The following TLCD3B variants were observed in gnomAD, a reference collection of about 807,000 sequenced individuals.
The protein encoded by TLCD3B is TLC domain containing 3B.
TLCD3B carries 9 observed loss-of-function variants against 23.0 expected under a neutral mutation model. The observed-to-expected ratio is 0.39, with a 90% confidence interval of 0.24 to 0.68. TLCD3B has a LOEUF of 0.68. TLCD3B is among the 30% of genes least tolerant of loss of function. The pLI is 0.44. For missense variants in TLCD3B, 307 were observed against 371.8 expected, an observed-to-expected ratio of 0.83 and a Z score of 1.43; for synonymous variants, 161 against 161.0, an observed-to-expected ratio of 1.00 and a Z score of 0.00.
intron 3 of TLCD3B, among the ~76,000 whole-genome samples, chr16:30,037,557 A>AG (rs1555475111): frequency 2.0e-4 from 30 of 151,284 alleles, no homozygotes; most frequent in African/African-American, 6.1e-4. Context: ...AAAAAAAAAA[A>AG]AAGAAGAAGA....
At position 30,030,439 on chromosome 16, in the gene TLCD3B, C is replaced by T. The variant is rs1472177946; in HGVS notation, c.89G>A (p.Arg30His). ...KNTLQRLPQL[R>H]WEEADAVIVS... ...AATGACTGCGTCGGCCTCCTCCCAG[C>T]GTAGCTGGGGCAGCCGCTGGAGCGT... Residue 30 changes from arginine to histidine, a missense_variant, in exon 1 of 5, where the codon CGC (arginine) becomes CAC (histidine). Coordinates refer to ENST00000380495, the MANE Select transcript of TLCD3B (RefSeq NM_031478.6). 1.9e-6 allele frequency: 3 copies of T among 1,603,124 alleles called. No individual in the cohort carries two copies. In the South Asian group the frequency reaches 3.3e-5, roughly 18 times the overall value.
In TLCD3B at chr16:30,024,965, C is replaced by T. The variant is rs867066683; in HGVS notation, c.*218G>A. The T allele has an allele frequency of 2.7e-5, 13 of 489,152 alleles. No individual in the cohort carries two copies. Among genetic ancestry groups the T allele is most frequent in the African/African-American group, 1.2e-4 (6 of 49,066 alleles). The allele number at this position is 489,152 out of a possible 1,614,324, so 30.3% of individuals were successfully genotyped here. On this transcript the variant is annotated 3_prime_UTR_variant, in exon 5 of 5. Coordinates refer to ENST00000380495, the MANE Select transcript of TLCD3B (RefSeq NM_031478.6). ...GGCGGTGCCCCCTCCCCTCCTCCAG[C>T]GCAAGGGTGTGCAGGAAGGGGGCAG... is the stretch of plus-strand genomic sequence containing the variant.
In TLCD3B at chr16:30,038,736, C is replaced by T. The variant is rs187583776; in HGVS notation, c.-67+2259G>A. Among the ~76,000 whole-genome samples, 574 of 150,308 alleles carry T rather than the reference C, an allele frequency of 3.8e-3. 5 individuals carry two copies. The highest frequency in any genetic ancestry group is 6.6e-3 in the Non-Finnish European group (450 of 67,704). Reference sequence around the variant, plus strand: ...TCACGCCACTGCACTTCAGCCTGGGCGACAGAGCGAGACTCTGTCTCAAAA... The same window carrying T: ...TCACGCCACTGCACTTCAGCCTGGGTGACAGAGCGAGACTCTGTCTCAAAA... On this transcript the variant is annotated intron_variant, in intron 3 of 6. Transcript: ENST00000561666.
At chr16:30,044,515 T>A (rs746025836) in intron 2 of TLCD3B, among the ~76,000 whole-genome samples, 10 of 152,042 alleles carry the variant, frequency 6.6e-5, no homozygotes, top group Non-Finnish European at 1.3e-4. Flanking sequence ...TTTCAACCTG[T>A]TGCCCAGGCT....
At position 30,030,802 on chromosome 16, in the gene TLCD3B, AG is replaced by A; in HGVS notation, c.-276del. The A allele has an allele frequency of 9.6e-7, 1 of 1,045,394 alleles. No individual in the cohort carries two copies. Among genetic ancestry groups the A allele is most frequent in the Non-Finnish European group, 1.1e-6 (1 of 879,898 alleles). 64.8% of individuals were successfully genotyped at this position (1,045,394 alleles called of 1,614,324 possible). ...CAGCGAGGGATGGGGAGAGGCAAAG[AG>A]GGGATGGCTTGGTGAGGGACAGAGA... is the stretch of plus-strand genomic sequence containing the variant. On this transcript the variant is annotated 5_prime_UTR_variant, in exon 1 of 5. Coordinates refer to ENST00000380495, the MANE Select transcript of TLCD3B (RefSeq NM_031478.6).
At position 30,025,180 on chromosome 16, in the gene TLCD3B, G is replaced by A; in HGVS notation, c.*3C>T. 4.8e-6 allele frequency: 7 copies of A among 1,446,022 alleles called. No homozygotes were observed. Among genetic ancestry groups the A allele is most frequent in the Non-Finnish European group, 6.3e-6 (7 of 1,102,814 alleles). 89.6% of individuals were successfully genotyped at this position (1,446,022 alleles called of 1,614,324 possible). A position where few individuals can be genotyped will look rare whatever the true frequency, so the allele number is the denominator to read the frequency against. On this transcript the variant is annotated 3_prime_UTR_variant, in exon 5 of 5. Transcript: ENST00000380495. The surrounding 1 kb of genome is among the most constrained non-coding windows in gnomAD (Gnocchi z 4.1). ...GGGAGGGGGAGGGTCCCGGCCCCCG[G>A]CCTCAGTCCTGGGCCTGGCAGGCCG...
At chr16:30,052,467 C>T (rs979548225) in intron 1 of TLCD3B, among the ~76,000 whole-genome samples, 1 of 151,374 alleles carries the variant, frequency 6.6e-6, no homozygotes, top group African/African-American at 2.4e-5. Flanking sequence ...GAAGCTGAGG[C>T]GGGCGCATCA....
At chr16:30,034,090 T>C (rs2150987285), upstream of TLCD3B, among the ~76,000 whole-genome samples, 1 of 150,596 alleles carries the variant, frequency 6.6e-6, no homozygotes, top group African/African-American at 2.4e-5. Flanking sequence ...CTGGGCAACA[T>C]GGAGAAACCC....
rs11544328 is a variant in TLCD3B at position 30,025,807 on chromosome 16, A to C, written c.459T>G (p.Gly153=). 0.46 allele frequency: 737,371 copies of C among 1,612,860 alleles called. 169,981 individuals carry two copies. The highest frequency in any genetic ancestry group is 0.48 in the African/African-American group (36,113 of 74,922). ...CFPLSVVWRQ[G]KGDFFLGCML... is the part of the protein sequence containing the mutation. Reference sequence around the variant, plus strand: ...TGCAACCCAGAAAGAAGTCTCCCTTACCCTGTCGCCACACCTGGGCACAGA... The same window carrying C: ...TGCAACCCAGAAAGAAGTCTCCCTTCCCCTGTCGCCACACCTGGGCACAGA... Residue 153 remains glycine (G), a synonymous_variant, in exon 4 of 5, where the codon GGT becomes GGG. Transcript: ENST00000380495. The surrounding 1 kb of genome is among the most constrained non-coding windows in gnomAD (Gnocchi z 4.1).
chr16:30,041,721 C>CAA (rs547074758), intron 2 of TLCD3B, among the ~76,000 whole-genome samples: 7 of 62,490 alleles, frequency 1.1e-4, no homozygotes, highest in Non-Finnish European at 1.3e-4. Flanking sequence ...GACTCTGTCT[C>CAA]AAAAAAAAAA....
At chr16:30,039,001 C>A (rs192677913) in intron 3 of TLCD3B, among the ~76,000 whole-genome samples, 1 of 148,926 alleles carries the variant, frequency 6.7e-6, no homozygotes, top group African/African-American at 2.5e-5. Context: ...TCCTAAGGAA[C>A]TGAAAGGCTT....
At chr16:30,035,602 G>T, upstream of TLCD3B, 1 of 909,326 alleles carries the variant, frequency 1.1e-6, no homozygotes, top group Non-Finnish European at 1.5e-6. Context: ...TCCATCTGTG[G>T]CCATTGAAAG....
chr16:30,031,859 T>C (rs2071368867), upstream of TLCD3B, among the ~76,000 whole-genome samples: 1 of 152,028 alleles, frequency 6.6e-6, no homozygotes, highest in Non-Finnish European at 1.5e-5. Context: ...AGTTCAGAAG[T>C]GGCACAGCCC....
In TLCD3B at chr16:30,026,771, G is replaced by A. The variant is rs2071160634; in HGVS notation, c.282C>T (p.Leu94=). 6.2e-7 allele frequency: 1 copy of A among 1,614,078 alleles called. No individual in the cohort carries two copies. Among genetic ancestry groups the A allele is most frequent in the Admixed American group, 1.7e-5 (1 of 60,006 alleles). The change falls in exon 3 of 5, where the codon CTC becomes CTT. Residue 94 remains leucine (L), a synonymous_variant. Coordinates refer to ENST00000380495, the MANE Select transcript of TLCD3B (RefSeq NM_031478.6). ...YFIYDIYAMF[L]CHWHKHQVKG... ...TGACCTGGTGCTTGTGCCAGTGACA[G>A]AGGAACATGGCGTAGATGTCGTAGA...
chr16:30,049,000 A>G (rs1356431295), intron 1 of TLCD3B, among the ~76,000 whole-genome samples: 1 of 151,832 alleles, frequency 6.6e-6, no homozygotes, highest in African/African-American at 2.4e-5. Flanking sequence ...CAAACTCCTG[A>G]CCTCAGGTGG....
chr16:30,027,016 A>T, intron 2 of TLCD3B, 173 bp from the exon 3 acceptor site: 1 of 696,662 alleles, frequency 1.4e-6, no homozygotes, highest in Non-Finnish European at 2.6e-6. Flanking sequence ...ACAGTCATGC[A>T]GCTAGTAAGA....
chr16:30,051,475 C>T (rs2071749310), intron 1 of TLCD3B, among the ~76,000 whole-genome samples: 1 of 140,234 alleles, frequency 7.1e-6, no homozygotes, highest in Non-Finnish European at 1.5e-5. Context: ...GAGCTGAGAT[C>T]ACACCATTGC....
intron 1 of TLCD3B, among the ~76,000 whole-genome samples, chr16:30,050,592 T>G (rs2071735153): frequency 6.6e-6 from 1 of 152,052 alleles, no homozygotes; most frequent in Non-Finnish European, 1.5e-5. Flanking sequence ...AAGAAGACAA[T>G]CTTCTTTAGG....
chr16:30,038,305 G>A (rs2071510884), intron 3 of TLCD3B, among the ~76,000 whole-genome samples: 1 of 151,866 alleles, frequency 6.6e-6, no homozygotes, highest in Admixed American at 6.6e-5. Context: ...AAAAAAAAAA[G>A]GCCAAGTGTG....
Sources: allele counts gnomAD v4.1 joint callset (sites outside exome capture counted in the v4.1 genomes callset), GRCh38; gene constraint gnomAD v4.1.1; non-coding constraint Gnocchi (gnomAD v3.1); transcripts MANE v1.5; gene names NCBI Gene and HGNC (gene_info 2026-07-23, HGNC 2026-07-21).